EHD3: variants seen among roughly 807,000 people sequenced by gnomAD.
The protein encoded by EHD3 is EH domain containing 3, also known as EH domain-containing protein 3.
Under a neutral mutation model 43.0 loss-of-function variants are expected in EHD3, and 17 were observed. The observed-to-expected ratio is 0.40, with a 90% confidence interval of 0.27 to 0.59. The LOEUF is 0.59. Ranked by LOEUF, EHD3 falls within the 20% of genes least tolerant of loss-of-function variation. EHD3 has a pLI of 0.49. For missense variants in EHD3, 594 were observed against 705.6 expected (o/e 0.84, Z 1.79); for synonymous variants, 313 against 289.5 (o/e 1.08, Z -0.82).
chr2:31,249,132 C>T (rs995818522), intron 2 of EHD3, among the ~76,000 whole-genome samples: 1 of 152,210 alleles, frequency 6.6e-6, no homozygotes, highest in African/African-American at 2.4e-5. Flanking sequence ...CAGCATTTTA[C>T]CAAACACACC....
chr2:31,246,195 A>G (rs1030936228), intron 2 of EHD3, among the ~76,000 whole-genome samples: 4 of 151,310 alleles, frequency 2.6e-5, no homozygotes, highest in Non-Finnish European at 5.9e-5. Flanking sequence ...CCTGGAGTCC[A>G]GGGGTGTCTC....
chr2:31,261,118 T>A (rs1276253721), intron 4 of EHD3, among the ~76,000 whole-genome samples, 196 bp downstream of exon 4: 1 of 152,236 alleles, frequency 6.6e-6, no homozygotes, highest in African/African-American at 2.4e-5. Context: ...TTGTTTACTG[T>A]CTGTGGGATT....
chr2:31,244,535 TG>T, intron 2 of EHD3, 85 bp downstream of exon 2: 3 of 1,435,162 alleles, frequency 2.1e-6, no homozygotes, highest in Non-Finnish European at 2.8e-6. Context: ...GGCAGGGTCT[TG>T]GGATGCTTGG....
chr2:31,236,907 A>C (rs1331405515), intron 1 of EHD3, among the ~76,000 whole-genome samples: 1 of 152,180 alleles, frequency 6.6e-6, no homozygotes, highest in African/African-American at 2.4e-5. Context: ...ACTGGCTGTT[A>C]ACTGGGTCTA....
chr2:31,237,827 T>G (rs900711262), intron 1 of EHD3, among the ~76,000 whole-genome samples: 2 of 152,242 alleles, frequency 1.3e-5, no homozygotes, highest in African/African-American at 4.8e-5. Flanking sequence ...AACTAATGAA[T>G]AGCATTGTTT....
intron 4 of EHD3, 68 bp from the exon 5 acceptor site, chr2:31,261,481 G>C: frequency 1.9e-6 from 3 of 1,560,442 alleles, no homozygotes; most frequent in Non-Finnish European, 2.6e-6. Context: ...TGATGCAAGA[G>C]CCATCCTAGA....
At position 31,254,907 on chromosome 2, in the gene EHD3, A is replaced by G. The variant is rs1042880383; in HGVS notation, c.502+5439A>G. On this transcript the variant is annotated intron_variant, in intron 3 of 5. Coordinates refer to ENST00000322054, the MANE Select transcript of EHD3 (RefSeq NM_014600.3). The stretch of plus-strand genomic sequence containing the variant: ...TACAGAGAATTATGAAGAGCGAATG[A>G]GGTCACGTGGCTGGAAACCCGAAGA... Among the ~76,000 whole-genome samples the G allele has an allele frequency of 1.2e-4, 19 of 152,190 alleles. 1 individual carries two copies. Among genetic ancestry groups the G allele is most frequent in the Non-Finnish European group, 1.5e-5 (1 of 68,032 alleles).
At chr2:31,242,637 T>C (rs1001602511) in intron 1 of EHD3, among the ~76,000 whole-genome samples, 1 of 152,142 alleles carries the variant, frequency 6.6e-6, no homozygotes, top group Non-Finnish European at 1.5e-5. Context: ...GAATGAAAGG[T>C]GTGCAGGTTG....
chr2:31,239,961 G>A (rs1460425577), intron 1 of EHD3, among the ~76,000 whole-genome samples: 2 of 152,152 alleles, frequency 1.3e-5, no homozygotes, highest in African/African-American at 2.4e-5. Flanking sequence ...ACGGTGCCGG[G>A]TAGTGCCCTG....
rs1683981274 is a variant in EHD3 at position 31,267,647 on chromosome 2, T to G, written c.*943T>G. The G allele has an allele frequency of 6.6e-6, 1 of 152,598 alleles. No homozygotes were observed. Among genetic ancestry groups the G allele is most frequent in the African/African-American group, 2.4e-5 (1 of 41,436 alleles). 9.5% of individuals were successfully genotyped at this position (152,598 alleles called of 1,614,324 possible). A position where few individuals can be genotyped will look rare whatever the true frequency, so the allele number is the denominator to read the frequency against. On this transcript the variant is annotated 3_prime_UTR_variant, in exon 6 of 6. Transcript: ENST00000322054. ...CCTCAGAAGGGTTTAGGCGACCTTCTGAAACTCACAGAAGTCACGTGATGG... is the reference window on the plus strand; with the variant it reads ...CCTCAGAAGGGTTTAGGCGACCTTCGGAAACTCACAGAAGTCACGTGATGG...
intron 1 of EHD3, among the ~76,000 whole-genome samples, chr2:31,235,242 G>A (rs574498401): frequency 6.6e-6 from 1 of 152,186 alleles, no homozygotes; most frequent in South Asian, 2.1e-4. Context: ...ATCATTCACG[G>A]GCAAAACCTC....
rs1360238151 is a variant in EHD3 at position 31,268,594 on chromosome 2, T to C, written c.*1890T>C. ...CAGGCACAGCTGGTGGAGCCACCGCTCCCTGCTCCTCTGGAGTGAAGATGT... is the reference window on the plus strand; with the variant it reads ...CAGGCACAGCTGGTGGAGCCACCGCCCCCTGCTCCTCTGGAGTGAAGATGT... On this transcript the variant is annotated 3_prime_UTR_variant, in exon 6 of 6. Coordinates refer to ENST00000322054, the MANE Select transcript of EHD3 (RefSeq NM_014600.3). 6.6e-6 allele frequency: 1 copy of C among 152,202 alleles called. No homozygotes were observed. The highest frequency in any genetic ancestry group is 2.1e-4 in the South Asian group (1 of 4,826). The allele number at this position is 152,202 out of a possible 1,614,324, so 9.4% of individuals were successfully genotyped here.
intron 5 of EHD3, 114 bp downstream of exon 5, chr2:31,261,827 TCTGCAG>T: frequency 1.3e-5 from 17 of 1,304,356 alleles, no homozygotes; most frequent in South Asian, 9.0e-5. Flanking sequence ...CCGCCCAGAA[TCTGCAG>T]GCAAGGAGGT....
intron 2 of EHD3, among the ~76,000 whole-genome samples, chr2:31,248,946 G>A (rs1364108867): frequency 2.0e-5 from 3 of 152,118 alleles, no homozygotes; most frequent in Non-Finnish European, 4.4e-5. Context: ...CTTCTCATTG[G>A]CTATCTAAAG....
chr2:31,266,929 A>C lies in EHD3; in HGVS notation c.*225A>C. 1 of 570,744 alleles carries C rather than the reference A, an allele frequency of 1.8e-6. No homozygotes were observed. The highest frequency in any genetic ancestry group is 3.0e-6 in the Non-Finnish European group (1 of 328,826). 35.4% of individuals were successfully genotyped at this position (570,744 alleles called of 1,614,324 possible). ...GGATTAGAAGGACAAGAGCACTCCC[A>C]GGCCCCAGAGTCTAAGCCTAAGTCT... On this transcript the variant is annotated 3_prime_UTR_variant, in exon 6 of 6. Transcript: ENST00000322054. This position sits in a 1 kb window ranked among gnomAD's most constrained non-coding sequence, Gnocchi z 5.1.
chr2:31,253,564 A>T (rs912016669), intron 3 of EHD3, among the ~76,000 whole-genome samples: 2 of 152,216 alleles, frequency 1.3e-5, no homozygotes, highest in African/African-American at 4.8e-5. Flanking sequence ...GTCGGCACAG[A>T]GGCCCCTACT....
rs558842656 is a variant in EHD3, at chr2:31,242,324, GGTGTGT to G, written c.228-1944_228-1939del. On this transcript the variant is annotated intron_variant, in intron 1 of 5. Transcript: ENST00000322054. ...AAAGCATGCACACGTTGTGGGGAGG[GGTGTGT>G]GTGTGGGTGTTGGGTACAGAAGGAA... Among the ~76,000 whole-genome samples the G allele has an allele frequency of 4.0e-3, 609 of 152,208 alleles. 4 individuals are homozygous for G. The highest frequency in any genetic ancestry group is 7.3e-3 in the Non-Finnish European group (495 of 68,010).
chr2:31,242,762 C>T (rs1683446639), intron 1 of EHD3, among the ~76,000 whole-genome samples: 1 of 152,046 alleles, frequency 6.6e-6, no homozygotes, highest in African/African-American at 2.4e-5. Flanking sequence ...AGTTCGAGAC[C>T]AGCCTGGCCA....
chr2:31,234,916 G>A, intron 1 of EHD3, 68 bp downstream of exon 1: 1 of 1,473,288 alleles, frequency 6.8e-7, no homozygotes, highest in Non-Finnish European at 9.4e-7. Context: ...GTCACTCCTG[G>A]TGCTCCATCC....
Sources: gnomAD v4.1 joint callset for allele counts (sites outside exome capture counted in the v4.1 genomes callset) on GRCh38, gnomAD v4.1.1 for gene constraint, Gnocchi (gnomAD v3.1) non-coding constraint, MANE v1.5 for transcripts, NCBI Gene and HGNC (gene_info 2026-07-23, HGNC 2026-07-21) for gene names.